Variants in AIM2 observed in about 807,000 individuals in gnomAD.
AIM2 encodes interferon-inducible protein AIM2.
Under a neutral mutation model 27.7 loss-of-function variants are expected in AIM2, and 30 were observed. That is an observed-to-expected ratio of 1.08 (90% CI 0.81 to 1.47). The LOEUF (loss-of-function observed/expected upper bound fraction) is 1.47. Among genes scored for constraint, AIM2 ranks in the 40% most tolerant of loss-of-function variants. The pLI, the probability that AIM2 is intolerant of heterozygous loss-of-function variation, is 0.00. For synonymous variants in AIM2, 141 were observed against 145.3 expected, an observed-to-expected ratio of 0.97 and a Z score of 0.21; for missense variants, 358 against 411.3, an observed-to-expected ratio of 0.87 and a Z score of 1.12.
intron 2 of AIM2, among the ~76,000 whole-genome samples, chr1:159,070,893 G>C (rs890338914): frequency 3.3e-5 from 5 of 152,152 alleles, no homozygotes; most frequent in African/African-American, 9.7e-5. Context: ...AAGGGAGGCG[G>C]AAGGAATCAA....
intron 1 of AIM2, among the ~76,000 whole-genome samples, chr1:159,101,606 T>C (rs549824998): frequency 1.3e-5 from 2 of 152,296 alleles, no homozygotes; most frequent in South Asian, 4.1e-4. Context: ...TGCTAGAGAC[T>C]TGTTGAATGG....
At position 159,066,171 on chromosome 1, in the gene AIM2, C is replaced by T. The variant is rs200913901; in HGVS notation, c.555G>A (p.Lys185=). Residue 185 remains lysine, a synonymous_variant, in exon 4 of 6, where the codon AAG becomes AAA. Coordinates refer to ENST00000368130, the MANE Select transcript of AIM2 (RefSeq NM_004833.3). The part of the protein sequence containing the change: ...EMFHATVATE[K]EFFFVKVFNT... ...TAAAAACTTTTACAAAGAAGAATTC[C>T]TTTTCTGTAGCCACTGTAGCATGAA... 6 of 1,614,146 alleles carry T rather than the reference C, an allele frequency of 3.7e-6. No individual in the cohort carries two copies. Among genetic ancestry groups the T allele is most frequent in the African/African-American group, 1.3e-5 (1 of 75,032 alleles).
chr1:159,056,893 A>G, the AIM2 span, among the ~76,000 whole-genome samples: 1 of 152,076 alleles, frequency 6.6e-6, no homozygotes, highest in South Asian at 2.1e-4. Context: ...ACAATTGCCT[A>G]TCAGTGAAGA....
chr1:159,098,457 G>A (rs891512917), intron 1 of AIM2, among the ~76,000 whole-genome samples: 3 of 150,806 alleles, frequency 2.0e-5, no homozygotes, highest in African/African-American at 7.3e-5. Context: ...AGTCATGCTA[G>A]CCACATTCCA....
chr1:159,090,102 C>G (rs1657012229), intron 1 of AIM2, among the ~76,000 whole-genome samples: 1 of 152,178 alleles, frequency 6.6e-6, no homozygotes, highest in Non-Finnish European at 1.5e-5. Flanking sequence ...GAGGCCATCC[C>G]AGCTCTAGGG....
chr1:159,057,945 G>A (rs1655712727), downstream of AIM2, among the ~76,000 whole-genome samples: 1 of 152,200 alleles, frequency 6.6e-6, no homozygotes, highest in Admixed American at 6.5e-5. Context: ...TCTCAGATAA[G>A]ACCTTTTAAA....
intron 1 of AIM2, among the ~76,000 whole-genome samples, chr1:159,134,264 C>G (rs567010369): frequency 6.6e-6 from 1 of 152,208 alleles, no homozygotes; most frequent in Non-Finnish European, 1.5e-5. Context: ...CTTTTCACAA[C>G]AACCTCTGGT....
At chr1:159,121,465 GC>G (rs1277107409) in intron 1 of AIM2, among the ~76,000 whole-genome samples, 4 of 152,196 alleles carry the variant, frequency 2.6e-5, no homozygotes, top group Non-Finnish European at 5.9e-5. Context: ...AGTTTGACGT[GC>G]TTTTGTAAGC....
chr1:159,128,289 A>C (rs554365616), intron 1 of AIM2, among the ~76,000 whole-genome samples: 4 of 150,124 alleles, frequency 2.7e-5, no homozygotes, highest in African/African-American at 4.9e-5. Flanking sequence ...ACACACACAC[A>C]CCACCCCAAG....
chr1:159,066,143 T>A lies in AIM2; in HGVS notation c.583A>T (p.Thr195Ser), dbSNP rs774921419. ...KEFFFVKVFNTLLKDKFIPKR... is the reference protein window; with the variant it reads ...KEFFFVKVFNSLLKDKFIPKR... ...GGAATGAATTTATCTTTCAGCAGTG[T>A]ATTAAAAACTTTTACAAAGAAGAAT... The change falls in exon 4 of 6, where the codon ACA (threonine) becomes TCA (serine). Residue 195 changes from threonine (T) to serine (S), a missense_variant. Coordinates refer to ENST00000368130, the MANE Select transcript of AIM2 (RefSeq NM_004833.3). 5 of 1,614,098 alleles carry A rather than the reference T, an allele frequency of 3.1e-6. No homozygotes were observed. The highest frequency in any genetic ancestry group is 4.2e-6 in the Non-Finnish European group (5 of 1,180,030).
At chr1:159,064,118 T>G (rs1017468391) in intron 4 of AIM2, among the ~76,000 whole-genome samples, 2 of 152,194 alleles carry the variant, frequency 1.3e-5, no homozygotes, top group Non-Finnish European at 2.9e-5. Flanking sequence ...GTTAAGTTTT[T>G]GGGGAGTCAA....
intron 1 of AIM2, among the ~76,000 whole-genome samples, chr1:159,114,886 T>C (rs1018032964): frequency 2.6e-5 from 4 of 152,192 alleles, no homozygotes; most frequent in Non-Finnish European, 4.4e-5. Context: ...AAAGAGGACG[T>C]CAAATTGTCC....
chr1:159,059,397 A>T (rs1208822347), downstream of AIM2, among the ~76,000 whole-genome samples: 2 of 152,194 alleles, frequency 1.3e-5, no homozygotes, highest in African/African-American at 4.8e-5. Flanking sequence ...CAGTTTTCTC[A>T]TCTTTGAGAA....
chr1:159,090,174 T>C (rs1033111203), intron 1 of AIM2, among the ~76,000 whole-genome samples: 2 of 152,182 alleles, frequency 1.3e-5, no homozygotes, highest in Non-Finnish European at 2.9e-5. Context: ...CCCAACCCAG[T>C]TTCCCTCTCT....
At chr1:159,069,792 C>T (rs1187321067) in intron 2 of AIM2, among the ~76,000 whole-genome samples, 1 of 152,194 alleles carries the variant, frequency 6.6e-6, no homozygotes, top group East Asian at 1.9e-4. Flanking sequence ...ATGCGCCCAC[C>T]TCAGCCTCCC....
intron 2 of AIM2, among the ~76,000 whole-genome samples, chr1:159,069,014 T>A (rs1656240578): frequency 6.6e-6 from 1 of 151,996 alleles, no homozygotes; most frequent in South Asian, 2.1e-4. Context: ...TAATGGCACA[T>A]GTTTTTAGTC....
At chr1:159,098,051 T>G (rs12139654) in intron 1 of AIM2, among the ~76,000 whole-genome samples, 2,692 of 152,294 alleles carry the variant, frequency 0.018, 58 homozygotes, top group South Asian at 0.039. Context: ...TCAGATATCT[T>G]AAGCCTACCA....
chr1:159,106,210 G>A lies in AIM2; in HGVS notation c.-16+34221C>T, dbSNP rs373624890. Among the ~76,000 whole-genome samples, 13 of 152,290 alleles carry A rather than the reference G, an allele frequency of 8.5e-5. No homozygotes were observed. In the East Asian group the frequency reaches 9.6e-4, roughly 11 times the overall value. ...GCTGCAGCTGGGTGGCTGCAGCCATGCCCAGGGAGTGCCGGTCTCCCACTC... is the reference window on the plus strand; with the variant it reads ...GCTGCAGCTGGGTGGCTGCAGCCATACCCAGGGAGTGCCGGTCTCCCACTC... On this transcript the variant is annotated intron_variant, in intron 1 of 2. Transcript: ENST00000368129.
intron 1 of AIM2, among the ~76,000 whole-genome samples, chr1:159,137,240 G>C (rs1310671916): frequency 6.6e-6 from 1 of 152,186 alleles, no homozygotes; most frequent in Non-Finnish European, 1.5e-5. Flanking sequence ...TATAATGATT[G>C]GGGGCCACGG....
Sources: allele counts gnomAD v4.1 joint callset (sites outside exome capture counted in the v4.1 genomes callset), GRCh38; gene constraint gnomAD v4.1.1; transcripts MANE v1.5; gene names NCBI Gene and HGNC (gene_info 2026-07-23, HGNC 2026-07-21).